LMBR1: variants seen among roughly 807,000 people sequenced by gnomAD.
LMBR1 encodes limb development membrane protein 1.
A neutral mutation model predicts 73.9 loss-of-function variants in LMBR1; 52 were observed. The observed-to-expected ratio is 0.70, with a 90% CI of 0.56 to 0.89. The LOEUF is 0.89. Among genes scored for constraint, LMBR1 ranks in the 40% least tolerant of loss-of-function variants. The pLI is 0.00. For synonymous variants in LMBR1, 215 were observed against 209.4 expected (o/e 1.03, Z -0.23); for missense variants, 539 against 579.8 (o/e 0.93, Z 0.72).
Position 156,779,022 on chromosome 7 carries a change from T to C in LMBR1, c.424-15227A>G, listed in dbSNP as rs1250425569. 2.0e-5 allele frequency among the ~76,000 whole-genome samples: 3 copies of C among 152,278 alleles called. No individual in the cohort carries two copies. The East Asian group carries it at 5.8e-4, about 29-fold the overall frequency. Reference sequence around the variant, plus strand: ...TTAAAATGCGCTTCAAACAACAAAGTGGCAAAACACTGTAAACAAGGAAGA... The same window carrying C: ...TTAAAATGCGCTTCAAACAACAAAGCGGCAAAACACTGTAAACAAGGAAGA... On this transcript the variant is annotated intron_variant, in intron 5 of 16. Transcript: ENST00000353442.
At chr7:156,766,550 C>A (rs2132982152) in intron 5 of LMBR1, among the ~76,000 whole-genome samples, 1 of 152,230 alleles carries the variant, frequency 6.6e-6, no homozygotes, top group African/African-American at 2.4e-5. Flanking sequence ...AGACTTTTCA[C>A]AGTTCTTGAC....
At chr7:156,730,478 A>G (rs1057041088) in intron 10 of LMBR1, among the ~76,000 whole-genome samples, 10 of 152,244 alleles carry the variant, frequency 6.6e-5, no homozygotes, top group African/African-American at 2.2e-4. Context: ...TAAAGACTGA[A>G]GCCTGGCCTT....
rs762654447 is a variant in LMBR1, at chr7:156,670,988, A to G, written n.867-1701T>C. ...GAGAGAGAGAGCTTATGACAAAAAT[A>G]ACATAAAGCAGGAGAGGAAAATTAA... On this transcript the variant is annotated intron_variant and non_coding_transcript_variant, in intron 4 of 4. Coordinates refer to the LMBR1 transcript ENST00000430825. The surrounding 1 kb of genome is among the most constrained non-coding windows in gnomAD (Gnocchi z 4.3). 6.6e-6 allele frequency among the ~76,000 whole-genome samples: 1 copy of G among 152,212 alleles called. No homozygotes were observed. The highest frequency in any genetic ancestry group is 6.5e-5 in the Admixed American group (1 of 15,284).
chr7:156,851,188 C>T (rs1427880799), intron 1 of LMBR1, among the ~76,000 whole-genome samples: 1 of 152,160 alleles, frequency 6.6e-6, no homozygotes, highest in African/African-American at 2.4e-5. Flanking sequence ...TATTCCTTTA[C>T]AGCAACGCAA....
chr7:156,851,785 A>G (rs977595729), intron 1 of LMBR1, among the ~76,000 whole-genome samples: 1 of 152,206 alleles, frequency 6.6e-6, no homozygotes, highest in Admixed American at 6.5e-5. Context: ...GGAATTTCAG[A>G]TTATTTTTAC....
intron 5 of LMBR1, among the ~76,000 whole-genome samples, chr7:156,780,313 C>T (rs1179945948): frequency 6.6e-6 from 1 of 152,094 alleles, no homozygotes; most frequent in African/African-American, 2.4e-5. Flanking sequence ...AATAAAAACA[C>T]CAACATTGCC....
chr7:156,761,625 A>G (rs1212168204), intron 8 of LMBR1, among the ~76,000 whole-genome samples: 10 of 152,180 alleles, frequency 6.6e-5, no homozygotes. Context: ...AGTATTTTAA[A>G]AGCAAAACCA....
At chr7:156,878,787 T>G (rs1211224649) in intron 1 of LMBR1, among the ~76,000 whole-genome samples, 1 of 152,136 alleles carries the variant, frequency 6.6e-6, no homozygotes, top group Non-Finnish European at 1.5e-5. Flanking sequence ...AGGTATCACA[T>G]TACCTGATTT....
chr7:156,676,926 T>C (rs12007), downstream of LMBR1: 145,445 of 393,994 alleles, frequency 0.37, 28,456 homozygotes, highest in African/African-American at 0.51. Context: ...CTTCTAAAAA[T>C]TGAGGTTAAG....
At chr7:156,880,905 G>C (rs964376343) in intron 1 of LMBR1, among the ~76,000 whole-genome samples, 2 of 151,998 alleles carry the variant, frequency 1.3e-5, no homozygotes, top group Admixed American at 1.3e-4. Flanking sequence ...CACCCGCCTC[G>C]GCTTCCCAAA....
Position 156,763,758 on chromosome 7 carries a change from A to G in LMBR1, c.461T>C (p.Leu154Pro). 6.2e-7 allele frequency: 1 copy of G among 1,604,396 alleles called. No individual in the cohort carries two copies. Among genetic ancestry groups the G allele is most frequent in the East Asian group, 2.3e-5 (1 of 44,112 alleles). Residue 154 changes from leucine (L) to proline (P), a missense_variant, in exon 6 of 17, where the codon CTT becomes CCT. By Grantham distance (98) the Leu-to-Pro change is moderately conservative (BLOSUM62 -3). Coordinates refer to ENST00000353442, the MANE Select transcript of LMBR1 (RefSeq NM_022458.4). ...AAGAATGAGTAACGCAAGAAGAAGA[A>G]GCATGACCAAAGTCTCTAAAATGCG... is the stretch of plus-strand genomic sequence containing the variant. ...RARILETLVM[L>P]LLLALLILGI...
At chr7:156,831,112 G>A (rs1836596838) in intron 3 of LMBR1, among the ~76,000 whole-genome samples, 1 of 152,106 alleles carries the variant, frequency 6.6e-6, no homozygotes, top group Non-Finnish European at 1.5e-5. Context: ...GAAAAGTTGA[G>A]ACTTAGGGAA....
intron 4 of LMBR1, among the ~76,000 whole-genome samples, chr7:156,819,626 A>C (rs1834441809): frequency 6.6e-6 from 1 of 152,236 alleles, no homozygotes; most frequent in Non-Finnish European, 1.5e-5. Context: ...ACAAATGAAT[A>C]TTAGTGATAT....
At chr7:156,760,584 T>C (rs1427924062) in intron 8 of LMBR1, among the ~76,000 whole-genome samples, 1 of 148,066 alleles carries the variant, frequency 6.8e-6, no homozygotes, top group African/African-American at 2.5e-5. Flanking sequence ...CAACAACAAA[T>C]GTAGGAAGAA....
chr7:156,709,682 C>A (rs1346053064), intron 15 of LMBR1, among the ~76,000 whole-genome samples: 1 of 152,058 alleles, frequency 6.6e-6, no homozygotes, highest in African/African-American at 2.4e-5. Flanking sequence ...CAAGGGATCA[C>A]CCAGTGGAAC....
At chr7:156,716,932 C>G (rs1813340902) in intron 15 of LMBR1, among the ~76,000 whole-genome samples, 1 of 151,786 alleles carries the variant, frequency 6.6e-6, no homozygotes, top group Non-Finnish European at 1.5e-5. Flanking sequence ...TTCAATTTTC[C>G]AAGTGAGAAA....
intron 9 of LMBR1, among the ~76,000 whole-genome samples, chr7:156,735,105 T>TAC (rs1275972552): frequency 6.6e-6 from 1 of 152,218 alleles, no homozygotes; most frequent in Non-Finnish European, 1.5e-5. Flanking sequence ...GCCCATCCAG[T>TAC]ACATTTTGGT....
chr7:156,890,414 T>C (rs1236848711), intron 1 of LMBR1, among the ~76,000 whole-genome samples: 2 of 152,206 alleles, frequency 1.3e-5, no homozygotes, highest in South Asian at 2.1e-4. Context: ...GAAAGAAATA[T>C]GTGCAGTATA....
At chr7:156,758,149 T>A (rs539278377) in intron 8 of LMBR1, among the ~76,000 whole-genome samples, 61 of 151,660 alleles carry the variant, frequency 4.0e-4, no homozygotes, top group African/African-American at 1.3e-3. Context: ...GGAGAAAGAG[T>A]GGTACACGGA....
Sources: gnomAD v4.1 joint callset for allele counts (sites outside exome capture counted in the v4.1 genomes callset) on GRCh38, gnomAD v4.1.1 for gene constraint, Gnocchi (gnomAD v3.1) non-coding constraint, MANE v1.5 for transcripts, NCBI Gene and HGNC (gene_info 2026-07-23, HGNC 2026-07-21) for gene names.